SLCO1B1: variants seen among roughly 807,000 people sequenced by gnomAD.
SLCO1B1 encodes the protein OATP-2.
Under a neutral mutation model 70.1 loss-of-function variants are expected in SLCO1B1, and 81 were observed. The observed-to-expected ratio is 1.16, with a 90% CI of 0.97 to 1.39. SLCO1B1 has a LOEUF of 1.39. Ranked by LOEUF, SLCO1B1 falls within the 40% of genes most tolerant of loss-of-function variation. SLCO1B1 has a pLI of 0.00. For synonymous variants in SLCO1B1, 283 were observed against 271.5 expected, an observed-to-expected ratio of 1.04 and a Z score of -0.42; for missense variants, 895 against 799.6, an observed-to-expected ratio of 1.12 and a Z score of -1.44.
chr12:21,164,475 C>G (rs1378356295), intron 2 of SLCO1B1, among the ~76,000 whole-genome samples: 1 of 152,050 alleles, frequency 6.6e-6, no homozygotes, highest in African/African-American at 2.4e-5. Context: ...TTCATCTCTA[C>G]TCTTTTTTAT....
At chr12:21,149,155 C>A (rs578096772) in intron 2 of SLCO1B1, among the ~76,000 whole-genome samples, 56 of 152,248 alleles carry the variant, frequency 3.7e-4, no homozygotes, top group African/African-American at 1.2e-3. Flanking sequence ...AATATACAAT[C>A]ATATCATCTG....
chr12:21,209,857 C>CT (rs755141553), intron 11 of SLCO1B1, among the ~76,000 whole-genome samples: 4 of 152,054 alleles, frequency 2.6e-5, no homozygotes, highest in Admixed American at 6.6e-5. Flanking sequence ...TAAGTGTCTT[C>CT]TTTTGAGAAG....
At chr12:21,162,204 G>A (rs1025378415) in intron 2 of SLCO1B1, among the ~76,000 whole-genome samples, 2 of 151,556 alleles carry the variant, frequency 1.3e-5, no homozygotes, top group Admixed American at 1.3e-4. Context: ...ACAAGAATAA[G>A]CACATCCATT....
chr12:21,132,640 A>T (rs565228387), intron 1 of SLCO1B1, among the ~76,000 whole-genome samples: 96 of 152,268 alleles, frequency 6.3e-4, no homozygotes, highest in African/African-American at 2.2e-3. Flanking sequence ...TCTTCTGTTG[A>T]GAAGTGTCTG....
chr12:21,219,353 T>C (rs1008839723), intron 12 of SLCO1B1, among the ~76,000 whole-genome samples: 2 of 152,090 alleles, frequency 1.3e-5, no homozygotes, highest in South Asian at 2.1e-4. Flanking sequence ...CCAGGCAAGG[T>C]AGAAGAAAGG....
chr12:21,211,904 G>T (rs1399316465), intron 11 of SLCO1B1, among the ~76,000 whole-genome samples: 2 of 150,534 alleles, frequency 1.3e-5, no homozygotes, highest in Admixed American at 1.3e-4. Context: ...GATCGGTGGT[G>T]ATATCCCCTT....
intron 14 of SLCO1B1, among the ~76,000 whole-genome samples, chr12:21,226,942 A>G (rs1309079482): frequency 6.6e-6 from 1 of 152,150 alleles, no homozygotes; most frequent in Non-Finnish European, 1.5e-5. Flanking sequence ...GCTATTAAAT[A>G]TATAAAAAGA....
chr12:21,190,849 C>T (rs1009807478), intron 7 of SLCO1B1, among the ~76,000 whole-genome samples: 8 of 151,920 alleles, frequency 5.3e-5, no homozygotes, highest in South Asian at 2.1e-4. Context: ...AATTTTTCAT[C>T]GTTATTATTT....
intron 11 of SLCO1B1, among the ~76,000 whole-genome samples, chr12:21,211,517 A>T (rs536213809): frequency 1.3e-5 from 2 of 152,292 alleles, no homozygotes; most frequent in East Asian, 3.9e-4. Flanking sequence ...TTGGTCTAAG[A>T]TTCTCTTTTT....
At chr12:21,224,979 A>G (rs1468986983) in intron 14 of SLCO1B1, 140 bp downstream of exon 14, 8 of 527,586 alleles carry the variant, frequency 1.5e-5, no homozygotes, top group Middle Eastern at 5.0e-4. Context: ...TATGGTATCA[A>G]GCAATCTCGT....
chr12:21,225,905 C>A (rs1941477285), intron 14 of SLCO1B1, among the ~76,000 whole-genome samples: 1 of 152,030 alleles, frequency 6.6e-6, no homozygotes, highest in Admixed American at 6.6e-5. Context: ...AGGTATTTAC[C>A]TAAGTTAGAT....
rs184453347 is a variant in SLCO1B1 at position 21,164,285 on chromosome 12, T to C, written c.85-8365T>C. ...CTTGTGAAAAGATGATTATATTGTC[T>C]TTAATGCTGTCTTCTTTTTCCCACC... On this transcript the variant is annotated intron_variant, in intron 2 of 14. Transcript: ENST00000256958. 1.4e-4 allele frequency among the ~76,000 whole-genome samples: 21 copies of C among 152,270 alleles called. No individual in the cohort carries two copies. The East Asian group carries it at 4.1e-3, about 29-fold the overall frequency.
intron 11 of SLCO1B1, among the ~76,000 whole-genome samples, chr12:21,215,544 A>T (rs1216848970): frequency 1.3e-5 from 2 of 152,178 alleles, no homozygotes; most frequent in Non-Finnish European, 2.9e-5. Context: ...GTCATGATGA[A>T]TTCACTTTTT....
intron 11 of SLCO1B1, among the ~76,000 whole-genome samples, chr12:21,214,931 G>T (rs938445018): frequency 6.6e-6 from 1 of 151,892 alleles, no homozygotes; most frequent in Non-Finnish European, 1.5e-5. Flanking sequence ...CTCACGCACG[G>T]TGCGCGCACC....
intron 8 of SLCO1B1, among the ~76,000 whole-genome samples, chr12:21,198,999 T>C (rs903046306): frequency 1.3e-5 from 2 of 152,140 alleles, no homozygotes; most frequent in African/African-American, 4.8e-5. Flanking sequence ...TTTTCATGAC[T>C]GGGGAGACCT....
chr12:21,187,363 TC>T (rs1940974768), intron 7 of SLCO1B1, among the ~76,000 whole-genome samples: 1 of 152,136 alleles, frequency 6.6e-6, no homozygotes, highest in Non-Finnish European at 1.5e-5. Flanking sequence ...AATGCCTTGT[TC>T]CTGAAGACAG....
intron 2 of SLCO1B1, among the ~76,000 whole-genome samples, chr12:21,142,838 A>G (rs969309258): frequency 2.2e-4 from 34 of 152,090 alleles, no homozygotes; most frequent in African/African-American, 7.5e-4. Context: ...TGCCTGAAGC[A>G]ATAAAATTTC....
chr12:21,203,655 C>T (rs1039044128), intron 10 of SLCO1B1, among the ~76,000 whole-genome samples: 9 of 152,176 alleles, frequency 5.9e-5, no homozygotes, highest in African/African-American at 2.2e-4. Flanking sequence ...CTGCACACTG[C>T]TAATTCTGAA....
At chr12:21,139,346 C>T (rs3829306) in intron 1 of SLCO1B1, among the ~76,000 whole-genome samples, 7,784 of 151,914 alleles carry the variant, frequency 0.051, 281 homozygotes, top group East Asian at 0.13. Context: ...CCCAGAAACC[C>T]GACATATCTA....
Sources: allele counts gnomAD v4.1 joint callset (sites outside exome capture counted in the v4.1 genomes callset), GRCh38; gene constraint gnomAD v4.1.1; transcripts MANE v1.5; gene names NCBI Gene and HGNC (gene_info 2026-07-23, HGNC 2026-07-21).